Variants in GRIP1 observed in about 807,000 individuals in gnomAD.
GRIP1 encodes glutamate receptor interacting protein 1.
A neutral mutation model predicts 129.9 loss-of-function variants in GRIP1; 45 were observed. The ratio of observed to expected loss-of-function variants is 0.35; its 90% CI spans 0.27 to 0.44. GRIP1 has a LOEUF of 0.44. Among genes scored for constraint, GRIP1 ranks in the 20% least tolerant of loss-of-function variants. The pLI is 1.00. For missense variants in GRIP1, 1,196 were observed against 1,396.8 expected, an observed-to-expected ratio of 0.86 and a Z score of 2.29; for synonymous variants, 530 against 520.8, an observed-to-expected ratio of 1.02 and a Z score of -0.24.
intron 23 of GRIP1, among the ~76,000 whole-genome samples, chr12:66,355,074 A>C (rs1228218755): frequency 6.6e-6 from 1 of 152,168 alleles, no homozygotes; most frequent in Non-Finnish European, 1.5e-5. Context: ...CGGCCTCACC[A>C]CTTTCAGTGT....
intron 2 of GRIP1, among the ~76,000 whole-genome samples, chr12:66,551,782 A>G (rs1476192604): frequency 6.6e-6 from 1 of 151,792 alleles, no homozygotes; most frequent in Non-Finnish European, 1.5e-5. Flanking sequence ...GGGTCTCACT[A>G]TGTTGCTTCG....
intron 2 of GRIP1, among the ~76,000 whole-genome samples, chr12:66,551,302 C>G (rs1334306988): frequency 6.6e-6 from 1 of 152,172 alleles, no homozygotes; most frequent in South Asian, 2.1e-4. Context: ...AATGAAATGT[C>G]GTCAGTCCAT....
At chr12:67,010,333 T>C (rs560039981) in intron 1 of GRIP1, among the ~76,000 whole-genome samples, 4 of 152,308 alleles carry the variant, frequency 2.6e-5, no homozygotes, top group East Asian at 3.9e-4. Flanking sequence ...TAGAAAGACA[T>C]AGGTGTTTTA....
chr12:66,898,420 G>A (rs1394141792), intron 1 of GRIP1, among the ~76,000 whole-genome samples: 3 of 152,134 alleles, frequency 2.0e-5, no homozygotes, highest in Non-Finnish European at 4.4e-5. Flanking sequence ...CTTAATAACA[G>A]CTCTTTAACA....
chr12:66,371,815 T>C lies in GRIP1; in HGVS notation c.2891A>G (p.Tyr964Cys). Residue 964 changes from tyrosine (Y) to cysteine (C), a missense_variant, in exon 23 of 25, where the codon TAC becomes TGC. Physicochemically the swap from Tyr to Cys is radical, Grantham distance 194. Around this residue, in one of 5 missense-constraint regions of GRIP1, gnomAD observed 427 missense variants for 463.3 expected, o/e 0.92. Coordinates refer to ENST00000359742, the MANE Select transcript of GRIP1 (RefSeq NM_001366722.1). ...FQERSSSRPH[Y>C]SQTTRSNTLP... ...GGTGTTGCTCCGAGTTGTTTGGCTGTAGTGCGGCCGCGAGCTGCTGCGCTC... is the reference window on the plus strand; with the variant it reads ...GGTGTTGCTCCGAGTTGTTTGGCTGCAGTGCGGCCGCGAGCTGCTGCGCTC... The C allele has an allele frequency of 6.2e-7, 1 of 1,613,906 alleles. No individual in the cohort carries two copies. The highest frequency in any genetic ancestry group is 8.5e-7 in the Non-Finnish European group (1 of 1,179,770).
At chr12:66,842,899 T>C (rs10437970) in intron 1 of GRIP1, among the ~76,000 whole-genome samples, 23,618 of 152,044 alleles carry the variant, frequency 0.16, 1,983 homozygotes, top group East Asian at 0.37. Flanking sequence ...CTTACGTTTT[T>C]AGGATCAAAG....
At chr12:66,660,036 G>T (rs994925685) in intron 1 of GRIP1, among the ~76,000 whole-genome samples, 1 of 152,116 alleles carries the variant, frequency 6.6e-6, no homozygotes, top group Non-Finnish European at 1.5e-5. Context: ...TGCTTCTTTA[G>T]AGAGAAAAAC....
intron 1 of GRIP1, among the ~76,000 whole-genome samples, chr12:66,661,289 G>A (rs1200928935): frequency 6.6e-6 from 1 of 151,950 alleles, no homozygotes; most frequent in African/African-American, 2.4e-5. Flanking sequence ...TTCCGTTGGA[G>A]ATTTAAGTCA....
At chr12:67,055,040 G>T (rs12322641) in intron 1 of GRIP1, among the ~76,000 whole-genome samples, 3,372 of 152,260 alleles carry the variant, frequency 0.022, 133 homozygotes, top group African/African-American at 0.077. Flanking sequence ...ATAGAATAGG[G>T]CACAAAAACC....
intron 1 of GRIP1, among the ~76,000 whole-genome samples, chr12:66,991,011 T>C (rs1337985527): frequency 6.7e-6 from 1 of 149,372 alleles, no homozygotes; most frequent in Admixed American, 6.7e-5. Flanking sequence ...AAGGACAAAC[T>C]ATCTGTAATC....
intron 1 of GRIP1, among the ~76,000 whole-genome samples, chr12:66,606,229 A>C (rs2064519924): frequency 6.6e-6 from 1 of 152,232 alleles, no homozygotes. Context: ...AAAATGGATT[A>C]AGTCAGAACT....
At chr12:66,998,133 T>C (rs186014717) in intron 1 of GRIP1, among the ~76,000 whole-genome samples, 1 of 152,210 alleles carries the variant, frequency 6.6e-6, no homozygotes, top group East Asian at 1.9e-4. Context: ...ATTTAAGCAA[T>C]GAAAATAAAA....
intron 7 of GRIP1, 141 bp downstream of exon 7, chr12:66,515,478 C>T (rs2060818099): frequency 1.2e-6 from 1 of 831,738 alleles, no homozygotes; most frequent in Non-Finnish European, 2.1e-6. Context: ...TGAACTCAAA[C>T]AGAGTAAAAT....
In GRIP1 at chr12:66,515,743, A is replaced by T. The variant is rs753415037; in HGVS notation, c.600T>A (p.Gly200=). 1 of 1,613,694 alleles carries T rather than the reference A, an allele frequency of 6.2e-7. No individual in the cohort carries two copies. Among genetic ancestry groups the T allele is most frequent in the Non-Finnish European group, 8.5e-7 (1 of 1,179,654 alleles). Residue 200 remains glycine, a synonymous_variant, in exon 7 of 25, where the codon GGT becomes GGA. Transcript: ENST00000359742. The stretch of plus-strand genomic sequence containing the variant: ...TTCCATCCACACTGAGCAACCTGTC[A>T]CCGGGTTTGATCGTGCCCTCTCTGA... ...PADREGTIKP[G]DRLLSVDGIR... is the part of the protein sequence containing the mutation.
rs773059614 is a variant in GRIP1, at chr12:66,596,810, AG to A, written c.136+36del. On this transcript the variant is annotated intron_variant, in intron 2 of 24. Transcript: ENST00000359742. The stretch of plus-strand genomic sequence containing the variant: ...GAATCACCAAATAACAGGATTCAAA[AG>A]TAAAACAGCTGAAAAATCCAACAGT... 11 of 1,246,014 alleles carry A rather than the reference AG, an allele frequency of 8.8e-6. No homozygotes were observed. In the South Asian group the frequency reaches 1.1e-4, roughly 12 times the overall value. 77.2% of individuals were successfully genotyped at this position (1,246,014 alleles called of 1,614,324 possible). A position where few individuals can be genotyped will look rare whatever the true frequency, so the allele number is the denominator to read the frequency against.
chr12:66,506,392 A>G (rs539032949), intron 7 of GRIP1, among the ~76,000 whole-genome samples: 2 of 152,322 alleles, frequency 1.3e-5, no homozygotes, highest in Non-Finnish European at 2.9e-5. Flanking sequence ...CAACAATATG[A>G]TACAATCTCA....
chr12:66,714,916 CATCCATCCAATCCAATCCA>C (rs751070784), intron 1 of GRIP1, among the ~76,000 whole-genome samples: 4 of 150,458 alleles, frequency 2.7e-5, no homozygotes, highest in African/African-American at 5.0e-5. Flanking sequence ...TCCATCCATC[CATCCATCCAATCCAATCCA>C]ATCCAATCCA....
intron 1 of GRIP1, among the ~76,000 whole-genome samples, chr12:66,672,360 G>A (rs2034122127): frequency 6.6e-6 from 1 of 152,102 alleles, no homozygotes; most frequent in Admixed American, 6.6e-5. Flanking sequence ...AATTTAGGTG[G>A]TCATCATTGA....
intron 1 of GRIP1, among the ~76,000 whole-genome samples, chr12:67,044,280 T>C (rs1485407009): frequency 6.6e-6 from 1 of 152,194 alleles, no homozygotes; most frequent in Non-Finnish European, 1.5e-5. Context: ...TCCCAAGAAC[T>C]TTTTCCCCTA....
Sources: gnomAD v4.1 joint callset for allele counts (sites outside exome capture counted in the v4.1 genomes callset) on GRCh38, gnomAD v4.1.1 for gene constraint, gnomAD v4.1.1 regional missense constraint, MANE v1.5 for transcripts, NCBI Gene and HGNC (gene_info 2026-07-23, HGNC 2026-07-21) for gene names.